PITPNC1: variants seen among roughly 807,000 people sequenced by gnomAD.
PITPNC1 encodes the protein cytoplasmic phosphatidylinositol transfer protein 1.
Under a neutral mutation model 44.7 loss-of-function variants are expected in PITPNC1, and 18 were observed. That is an observed-to-expected ratio of 0.40 (90% CI 0.28 to 0.60). PITPNC1 has a LOEUF of 0.60. PITPNC1 is among the 20% of genes least tolerant of loss of function. The probability of loss-of-function intolerance (pLI) is 0.39; values close to 1 mark genes in which losing one functional copy is unlikely to be tolerated. For synonymous variants in PITPNC1, 141 were observed against 149.6 expected (o/e 0.94, Z 0.42); for missense variants, 290 against 418.4 (o/e 0.69, Z 2.68).
chr17:67,513,868 C>T (rs1369560688), intron 1 of PITPNC1, among the ~76,000 whole-genome samples: 2 of 152,036 alleles, frequency 1.3e-5, no homozygotes, highest in African/African-American at 4.8e-5. Context: ...GTGTAGATAC[C>T]ATTTGTAATT....
At position 67,621,603 on chromosome 17, in the gene PITPNC1, G is replaced by A. The variant is rs1258023354; in HGVS notation, c.367-10540G>A. Among the ~76,000 whole-genome samples the A allele has an allele frequency of 2.6e-5, 4 of 152,104 alleles. No homozygotes were observed. In the East Asian group the frequency reaches 7.7e-4, roughly 29 times the overall value. On this transcript the variant is annotated intron_variant, in intron 5 of 8. Transcript: ENST00000581322. ...TAAATCTAGTCTCCACAAAATCATA[G>A]CCCCTTTGAGAGTGGACCTTCTCTT...
At chr17:67,610,984 C>T (rs148140244) in intron 5 of PITPNC1, among the ~76,000 whole-genome samples, 518 of 151,816 alleles carry the variant, frequency 3.4e-3, no homozygotes, top group African/African-American at 0.012. Flanking sequence ...ACATCTGCTG[C>T]TACTTGTTGG....
chr17:67,591,966 GC>G (rs1401498145), intron 5 of PITPNC1, among the ~76,000 whole-genome samples: 1 of 150,680 alleles, frequency 6.6e-6, no homozygotes, highest in African/African-American at 2.5e-5. Flanking sequence ...TCCCACCCCA[GC>G]CTCCCAAAGT....
At chr17:67,395,400 T>G (rs1411038770) in intron 1 of PITPNC1, among the ~76,000 whole-genome samples, 2 of 152,236 alleles carry the variant, frequency 1.3e-5, no homozygotes, top group East Asian at 3.9e-4. Context: ...CCTCCTGTCT[T>G]GGCCTCCCAA....
intron 1 of PITPNC1, among the ~76,000 whole-genome samples, chr17:67,512,754 T>G (rs925528129): frequency 3.2e-4 from 48 of 151,982 alleles, no homozygotes; most frequent in Non-Finnish European, 6.5e-4. Context: ...TACATTTAAT[T>G]TTTGAGAATT....
intron 5 of PITPNC1, among the ~76,000 whole-genome samples, chr17:67,581,191 T>C (rs2041228496): frequency 1.3e-5 from 2 of 152,270 alleles, no homozygotes; most frequent in African/African-American, 4.8e-5. Context: ...ACATCCTTTT[T>C]TGGCAGGTGC....
chr17:67,569,651 C>T (rs1321296898), intron 4 of PITPNC1, among the ~76,000 whole-genome samples: 1 of 152,156 alleles, frequency 6.6e-6, no homozygotes, highest in East Asian at 1.9e-4. Flanking sequence ...AGGGTCATGG[C>T]AGGGAGCAGA....
At chr17:67,683,375 A>T (rs1024792239) in intron 8 of PITPNC1, among the ~76,000 whole-genome samples, 3 of 152,196 alleles carry the variant, frequency 2.0e-5, no homozygotes, top group African/African-American at 7.2e-5. Flanking sequence ...TTGAGGTCAT[A>T]TATGTTGCAA....
chr17:67,389,630 T>C (rs1472211416), intron 1 of PITPNC1, among the ~76,000 whole-genome samples: 2 of 152,132 alleles, frequency 1.3e-5, no homozygotes, highest in Non-Finnish European at 2.9e-5. Context: ...ACCATTGAAT[T>C]GGTATGTAAA....
intron 1 of PITPNC1, among the ~76,000 whole-genome samples, chr17:67,444,634 C>T (rs1348371163): frequency 2.6e-5 from 4 of 152,106 alleles, no homozygotes; most frequent in Non-Finnish European, 4.4e-5. Flanking sequence ...CGGTGGCCCA[C>T]GCCTGTAATC....
intron 8 of PITPNC1, among the ~76,000 whole-genome samples, chr17:67,680,600 CAAAA>C (rs11354234): frequency 1.5e-5 from 2 of 132,438 alleles, no homozygotes; most frequent in Admixed American, 7.5e-5. Context: ...AACTCTGTCT[CAAAA>C]AAAAAAAAAA....
intron 1 of PITPNC1, among the ~76,000 whole-genome samples, chr17:67,383,451 C>G (rs1330290113): frequency 6.6e-6 from 1 of 152,126 alleles, no homozygotes; most frequent in East Asian, 1.9e-4. Flanking sequence ...GCTCTACTCT[C>G]TAGTTGAAGG....
At chr17:67,629,896 G>A (rs1334951145) in intron 5 of PITPNC1, among the ~76,000 whole-genome samples, 1 of 152,156 alleles carries the variant, frequency 6.6e-6, no homozygotes, top group Non-Finnish European at 1.5e-5. Context: ...TGGCCACCTC[G>A]GGTCAGACTA....
At chr17:67,526,768 C>T (rs576011180) in intron 1 of PITPNC1, among the ~76,000 whole-genome samples, 1 of 152,128 alleles carries the variant, frequency 6.6e-6, no homozygotes, top group East Asian at 1.9e-4. Flanking sequence ...TGGATGGTGC[C>T]CCATGTAAGA....
At chr17:67,563,110 G>T (rs976944059) in intron 4 of PITPNC1, among the ~76,000 whole-genome samples, 1 of 152,122 alleles carries the variant, frequency 6.6e-6, no homozygotes, top group South Asian at 2.1e-4. Flanking sequence ...GTCTCCTGTT[G>T]GTGAACAGAG....
At chr17:67,543,998 C>T (rs2040643499) in intron 2 of PITPNC1, among the ~76,000 whole-genome samples, 1 of 152,290 alleles carries the variant, frequency 6.6e-6, no homozygotes, top group Middle Eastern at 3.4e-3. Context: ...TTATAGACAC[C>T]TGCTACCACG....
chr17:67,564,413 G>T (rs563074800), intron 4 of PITPNC1, among the ~76,000 whole-genome samples: 3 of 152,194 alleles, frequency 2.0e-5, no homozygotes, highest in Admixed American at 2.0e-4. Flanking sequence ...GAGGGGAGGA[G>T]TGTGTCCCCA....
intron 8 of PITPNC1, among the ~76,000 whole-genome samples, 151 bp downstream of exon 8, chr17:67,675,693 A>C (rs892267980): frequency 1.3e-5 from 2 of 152,222 alleles, no homozygotes; most frequent in African/African-American, 4.8e-5. Context: ...GCCAAGCATA[A>C]TGAAGATGTA....
rs2037896396 is a variant in PITPNC1 at position 67,377,935 on chromosome 17, AGGGAGGAGGCGG to A, written c.-214_-203del. ...CGTTCCGGGAGGACCGGCCTCGGCG[AGGGAGGAGGCGG>A]GGGAGCTGCGAACACCCAGACCCAA... On this transcript the variant is annotated 5_prime_UTR_variant, in exon 1 of 9. Transcript: ENST00000581322. 2.5e-6 allele frequency: 1 copy of A among 404,558 alleles called. No individual in the cohort carries two copies. Among genetic ancestry groups the A allele is most frequent in the Non-Finnish European group, 4.3e-6 (1 of 230,282 alleles). The allele number at this position is 404,558 out of a possible 1,614,324, so 25.1% of individuals were successfully genotyped here.
Sources: allele counts gnomAD v4.1 joint callset (sites outside exome capture counted in the v4.1 genomes callset), GRCh38; gene constraint gnomAD v4.1.1; transcripts MANE v1.5; gene names NCBI Gene and HGNC (gene_info 2026-07-23, HGNC 2026-07-21).